TBC1D23: variants seen among roughly 807,000 people sequenced by gnomAD.
TBC1D23 encodes the protein HCV non-structural protein 4A-transactivated protein 1.
A neutral mutation model predicts 91.4 loss-of-function variants in TBC1D23; 55 were observed. The ratio of observed to expected loss-of-function variants is 0.60; its 90% CI spans 0.48 to 0.75. TBC1D23 has a LOEUF of 0.75. Ranked by LOEUF, TBC1D23 falls within the 30% of genes least tolerant of loss-of-function variation. The pLI is 0.00. For missense variants in TBC1D23, 725 were observed against 836.1 expected (o/e 0.87, Z 1.64); for synonymous variants, 289 against 281.0 (o/e 1.03, Z -0.28).
chr3:100,277,446 C>G (rs1409207155), intron 1 of TBC1D23, among the ~76,000 whole-genome samples: 1 of 152,058 alleles, frequency 6.6e-6, no homozygotes, highest in Non-Finnish European at 1.5e-5. Context: ...TTTGTGGTTC[C>G]CTGGAGACAG....
chr3:100,270,857 A>G (rs2067593997), intron 1 of TBC1D23, among the ~76,000 whole-genome samples: 1 of 152,138 alleles, frequency 6.6e-6, no homozygotes, highest in South Asian at 2.1e-4. Context: ...AAGACACAAT[A>G]TTAATTTTTT....
intron 15 of TBC1D23, among the ~76,000 whole-genome samples, chr3:100,313,108 C>A (rs770933238): frequency 6.6e-6 from 1 of 152,030 alleles, no homozygotes; most frequent in Admixed American, 6.6e-5. Flanking sequence ...TACACAACGC[C>A]AATTACAGGA....
At chr3:100,303,389 T>C (rs1223389798) in intron 11 of TBC1D23, among the ~76,000 whole-genome samples, 2 of 152,180 alleles carry the variant, frequency 1.3e-5, no homozygotes, top group African/African-American at 4.8e-5. Context: ...ATTTTAAATT[T>C]TATTAAAGGA....
intron 14 of TBC1D23, among the ~76,000 whole-genome samples, chr3:100,311,378 C>A (rs1036949485): frequency 1.3e-5 from 2 of 152,164 alleles, no homozygotes; most frequent in South Asian, 2.1e-4. Flanking sequence ...TAGTAAATAG[C>A]CGAGAAGGTA....
chr3:100,298,136 A>G, intron 9 of TBC1D23, 91 bp downstream of exon 9: 1 of 1,102,390 alleles, frequency 9.1e-7, no homozygotes, highest in Non-Finnish European at 1.3e-6. Flanking sequence ...CCACAAAATC[A>G]ATTTACTGCA....
intron 16 of TBC1D23, 38 bp from the exon 17 acceptor site, chr3:100,319,031 T>A (rs757078962): frequency 2.3e-5 from 31 of 1,338,812 alleles, no homozygotes; most frequent in South Asian, 9.3e-5. Context: ...TTTTAAAAGT[T>A]GGTAATATCC....
intron 18 of TBC1D23, 101 bp downstream of exon 18, chr3:100,321,072 G>A: frequency 1.2e-6 from 1 of 864,624 alleles, no homozygotes; most frequent in Non-Finnish European, 1.7e-6. Flanking sequence ...GGAATGGATG[G>A]TGGAATAGGA....
At chr3:100,290,476 C>T in intron 4 of TBC1D23, 102 bp from the exon 5 acceptor site, 1 of 1,000,942 alleles carries the variant, frequency 1.0e-6, no homozygotes, top group Non-Finnish European at 1.5e-6. Flanking sequence ...GTCAGGTAGG[C>T]TTCCAGTGAA....
intron 13 of TBC1D23, among the ~76,000 whole-genome samples, chr3:100,306,824 C>T (rs1327305718): frequency 6.6e-6 from 1 of 152,224 alleles, no homozygotes; most frequent in Non-Finnish European, 1.5e-5. Flanking sequence ...AGTTTGGTAT[C>T]ATGTAGTGAC....
chr3:100,306,857 A>G (rs1271496034), intron 13 of TBC1D23, among the ~76,000 whole-genome samples: 6 of 152,180 alleles, frequency 3.9e-5, no homozygotes, highest in Non-Finnish European at 5.9e-5. Context: ...CAGCTTAAAT[A>G]TCAATGGGGA....
intron 13 of TBC1D23, among the ~76,000 whole-genome samples, chr3:100,308,802 C>T (rs1705565210): frequency 6.9e-6 from 1 of 144,380 alleles, no homozygotes; most frequent in South Asian, 2.6e-4. Context: ...TTTCTGGGCA[C>T]TTCCTTCTCA....
At chr3:100,321,045 T>C (rs964842003) in intron 18 of TBC1D23, 74 bp downstream of exon 18, 13 of 1,151,744 alleles carry the variant, frequency 1.1e-5, no homozygotes, top group Non-Finnish European at 1.4e-5. Context: ...TATAAAGAGT[T>C]TGTTTCTTTA....
chr3:100,301,197 T>A (rs887566178), intron 10 of TBC1D23, among the ~76,000 whole-genome samples: 3 of 146,600 alleles, frequency 2.0e-5, no homozygotes, highest in Non-Finnish European at 4.5e-5. Context: ...CCCAGCTATT[T>A]GGGAGGCGGA....
At chr3:100,319,721 G>A (rs1277266234) in intron 17 of TBC1D23, among the ~76,000 whole-genome samples, 1 of 152,044 alleles carries the variant, frequency 6.6e-6, no homozygotes, top group African/African-American at 2.4e-5. Context: ...AGCCACCGTG[G>A]CCGGCCATGA....
chr3:100,296,368 A>AT (rs1248594893), intron 8 of TBC1D23, 93 bp downstream of exon 8: 2 of 728,312 alleles, frequency 2.7e-6, no homozygotes, highest in South Asian at 2.3e-5. Context: ...TAGGTTGTCA[A>AT]TTTTTTCTGT....
chr3:100,261,083 C>A lies in TBC1D23; in HGVS notation c.53+12C>A, dbSNP rs1181403294. 3.1e-6 allele frequency: 5 copies of A among 1,612,132 alleles called. No individual in the cohort carries two copies. The highest frequency in any genetic ancestry group is 4.2e-6 in the Non-Finnish European group (5 of 1,178,370). The stretch of plus-strand genomic sequence containing the variant: ...AGCGGCGACGGCTGGTGAGTGAAAG[C>A]CGGGGCTAATTTCCAATGCCCCTTT... On this transcript the variant is annotated intron_variant, in intron 1 of 18. Coordinates refer to ENST00000394144, the MANE Select transcript of TBC1D23 (RefSeq NM_001199198.3).
rs766319885 is a variant in TBC1D23 at position 100,279,788 on chromosome 3, G to A, written c.165+28G>A. On this transcript the variant is annotated intron_variant, in intron 2 of 18. Coordinates refer to ENST00000394144, the MANE Select transcript of TBC1D23 (RefSeq NM_001199198.3). ...AACTAGAAACTAAAATGAATAAAAT[G>A]TAATCACTGAAGAATAATATTTTTA... 7 of 1,333,836 alleles carry A rather than the reference G, an allele frequency of 5.2e-6. No homozygotes were observed. In the Admixed American group the frequency reaches 9.4e-5, roughly 18 times the overall value. The allele number at this position is 1,333,836 out of a possible 1,614,324, so 82.6% of individuals were successfully genotyped here.
chr3:100,268,378 T>G (rs1304132751), intron 1 of TBC1D23, among the ~76,000 whole-genome samples: 3 of 152,194 alleles, frequency 2.0e-5, no homozygotes, highest in Admixed American at 2.0e-4. Flanking sequence ...AAAATGTTCC[T>G]TGATGGTTGG....
chr3:100,318,554 T>C (rs1045778838), intron 16 of TBC1D23, among the ~76,000 whole-genome samples: 2 of 152,198 alleles, frequency 1.3e-5, no homozygotes, highest in Non-Finnish European at 2.9e-5. Flanking sequence ...CTGACTTTGT[T>C]ACCATATGAA....
Sources: gnomAD v4.1 joint callset for allele counts (sites outside exome capture counted in the v4.1 genomes callset) on GRCh38, gnomAD v4.1.1 for gene constraint, MANE v1.5 for transcripts, NCBI Gene and HGNC (gene_info 2026-07-23, HGNC 2026-07-21) for gene names.